HMGXB3: variants seen among roughly 807,000 people sequenced by gnomAD.
The protein encoded by HMGXB3 is HMG domain-containing protein 3.
A neutral mutation model predicts 121.5 loss-of-function variants in HMGXB3; 45 were observed. The observed-to-expected ratio is 0.37, with a 90% confidence interval of 0.29 to 0.47. The LOEUF (loss-of-function observed/expected upper bound fraction) is 0.47, where lower values mean the gene tolerates loss of function less well. Among genes scored for constraint, HMGXB3 ranks in the 20% least tolerant of loss-of-function variants. HMGXB3 has a pLI of 0.99. For synonymous variants in HMGXB3, 590 were observed against 624.1 expected (o/e 0.95, Z 0.81); for missense variants, 1,376 against 1,602.2 (o/e 0.86, Z 2.41).
intron 17 of HMGXB3, 52 bp from the exon 18 acceptor site, chr5:150,048,516 CG>C: frequency 8.5e-7 from 1 of 1,178,944 alleles, no homozygotes; most frequent in Non-Finnish European, 1.2e-6. Context: ...GAGCACCAGC[CG>C]TGGTCCCTTA....
chr5:150,005,598 C>CAAAAAAAAA (rs760181326), intron 2 of HMGXB3, among the ~76,000 whole-genome samples: 1 of 82,042 alleles, frequency 1.2e-5, no homozygotes. Flanking sequence ...AAACTCCTCT[C>CAAAAAAAAA]AAAAAAAAAA....
intron 16 of HMGXB3, among the ~76,000 whole-genome samples, chr5:150,046,465 T>C (rs1164131165): frequency 1.3e-5 from 2 of 152,252 alleles, no homozygotes; most frequent in East Asian, 1.9e-4. Flanking sequence ...TCAATTGATA[T>C]TGTAATCACT....
In HMGXB3 at chr5:150,030,824, C is replaced by T; in HGVS notation, c.1818C>T (p.Ser606=). Residue 606 remains serine, a synonymous_variant, in exon 10 of 20, where the codon AGC becomes AGT. Coordinates refer to ENST00000502717, the MANE Select transcript of HMGXB3 (RefSeq NM_014983.3). ...KPDMFPPYKY[S]CTVTLDLGLA... Reference sequence around the variant, plus strand: ...ATATGTTTCCTCCATATAAGTACAGCTGCACTGTCACATTGGTAAGTATGC... The same window carrying T: ...ATATGTTTCCTCCATATAAGTACAGTTGCACTGTCACATTGGTAAGTATGC... The T allele has an allele frequency of 1.9e-6, 3 of 1,551,592 alleles. No homozygotes were observed. The highest frequency in any genetic ancestry group is 1.7e-6 in the Non-Finnish European group (2 of 1,146,588).
At chr5:150,023,390 C>T (rs997139611) in intron 6 of HMGXB3, among the ~76,000 whole-genome samples, 3 of 152,096 alleles carry the variant, frequency 2.0e-5, no homozygotes, top group Admixed American at 1.3e-4. Context: ...TTGAAGCTTG[C>T]CTTATACCAC....
rs923337341 is a variant in HMGXB3, at chr5:150,006,593, C to T, written c.258C>T (p.Ala86=). 5.2e-6 allele frequency: 8 copies of T among 1,552,174 alleles called. No homozygotes were observed. Among genetic ancestry groups the T allele is most frequent in the Admixed American group, 2.0e-5 (1 of 50,994 alleles). ...ISESWRLLSV[A]ERSYYLEKAK... ...AGAGTTGGAGGCTTCTCAGCGTGGC[C>T]GAGAGGAGTTACTACTTGGAGAAAG... Residue 86 remains alanine (A), a synonymous_variant, in exon 3 of 20, where the codon GCC becomes GCT. Transcript: ENST00000502717.
At chr5:150,029,817 A>G (rs528553322) in intron 9 of HMGXB3, among the ~76,000 whole-genome samples, 3 of 152,300 alleles carry the variant, frequency 2.0e-5, no homozygotes, top group African/African-American at 7.2e-5. Context: ...TTTTACTTTG[A>G]GAACTGTTTT....
At chr5:150,004,725 A>G in intron 1 of HMGXB3, 126 bp from the exon 2 acceptor site, 1 of 582,296 alleles carries the variant, frequency 1.7e-6, no homozygotes. Context: ...TTCTTAGGAT[A>G]TATTGGGTTT....
chr5:150,049,164 C>T (rs555327820), intron 18 of HMGXB3, among the ~76,000 whole-genome samples: 1 of 152,256 alleles, frequency 6.6e-6, no homozygotes, highest in South Asian at 2.1e-4. Flanking sequence ...CCACCAAGGC[C>T]GTGAGTGGGG....
At chr5:150,028,497 A>ATGTG (rs1163846771) in intron 9 of HMGXB3, among the ~76,000 whole-genome samples, 63 of 66,452 alleles carry the variant, frequency 9.5e-4, no homozygotes, top group Middle Eastern at 5.4e-3. Flanking sequence ...ATGTATATAT[A>ATGTG]TGTATGTATG....
At chr5:150,015,122 CTG>C in intron 5 of HMGXB3, 1 of 344,018 alleles carries the variant, frequency 2.9e-6, no homozygotes, top group Non-Finnish European at 5.3e-6. Context: ...GCCATCCAGT[CTG>C]TGAACCAGCA....
intron 11 of HMGXB3, among the ~76,000 whole-genome samples, chr5:150,034,441 T>G (rs1321757395): frequency 6.6e-6 from 1 of 152,108 alleles, no homozygotes; most frequent in Non-Finnish European, 1.5e-5. Context: ...TCCAGTTCAT[T>G]TTAGCTATTT....
chr5:150,016,370 C>T (rs1212528767), intron 5 of HMGXB3, among the ~76,000 whole-genome samples: 30 of 146,792 alleles, frequency 2.0e-4, no homozygotes, highest in Admixed American at 2.0e-3. Flanking sequence ...AAGGAGGTGA[C>T]ATTTAACTAT....
At position 150,048,671 on chromosome 5, in the gene HMGXB3, G is replaced by T; in HGVS notation, c.3187G>T (p.Val1063Leu). The part of the protein sequence containing the change: ...RHFTGGKIYK[V>L]CPHQVVCGSK... ...CTTCACAGGTGGTAAAATCTACAAG[G>T]TGTGCCCCCATCAGGTAAGAAAATA... is the stretch of plus-strand genomic sequence containing the variant. Residue 1063 changes from valine to leucine, a missense_variant, in exon 18 of 20, where the codon GTG becomes TTG. Val to Leu is a conservative substitution (Grantham distance 32). This residue lies in a region of HMGXB3 where 1,116 missense variants were observed against 1,369.0 expected (regional missense o/e 0.82). Coordinates refer to ENST00000502717, the MANE Select transcript of HMGXB3 (RefSeq NM_014983.3). 1 of 1,549,214 alleles carries T rather than the reference G, an allele frequency of 6.5e-7. No homozygotes were observed. The highest frequency in any genetic ancestry group is 2.4e-5 in the East Asian group (1 of 40,916).
rs114066641 is a variant in HMGXB3 at position 150,010,984 on chromosome 5, G to A, written c.810+376G>A. 2.1e-3 allele frequency among the ~76,000 whole-genome samples: 322 copies of A among 152,304 alleles called. 1 individual carries two copies. The highest frequency in any genetic ancestry group is 7.5e-3 in the African/African-American group (313 of 41,568). ...AGACTGCTTCCTTTTCTTGAAATGG[G>A]ATTTCACTCTGTTGCCCAAGCTGGT... On this transcript the variant is annotated intron_variant, in intron 4 of 19. Transcript: ENST00000502717.
chr5:150,015,352 A>G (rs1007954938), intron 5 of HMGXB3, among the ~76,000 whole-genome samples: 1 of 152,182 alleles, frequency 6.6e-6, no homozygotes, highest in Non-Finnish European at 1.5e-5. Context: ...GCAGTGGCAC[A>G]ATCATGGCTC....
chr5:150,047,852 C>A, intron 17 of HMGXB3, 95 bp downstream of exon 17: 1 of 1,366,284 alleles, frequency 7.3e-7, no homozygotes, highest in Non-Finnish European at 1.0e-6. Context: ...GTGATGGCAT[C>A]TGCCTTGGAC....
At chr5:150,003,373 T>TA (rs890006954) in intron 1 of HMGXB3, among the ~76,000 whole-genome samples, 16 of 152,114 alleles carry the variant, frequency 1.1e-4, no homozygotes, top group African/African-American at 3.9e-4. Flanking sequence ...ATTTTTGAGT[T>TA]AAAAATCTAT....
intron 16 of HMGXB3, among the ~76,000 whole-genome samples, chr5:150,046,698 G>A (rs1044108390): frequency 3.3e-5 from 5 of 152,012 alleles, no homozygotes; most frequent in Admixed American, 6.5e-5. Context: ...TGTAGTCCCA[G>A]CTACTCAGGA....
In HMGXB3 at chr5:150,052,590, T is replaced by G. The variant is rs1021592487; in HGVS notation, c.*398T>G. 6.7e-5 allele frequency: 13 copies of G among 193,672 alleles called. No homozygotes were observed. The highest frequency in any genetic ancestry group is 2.6e-4 in the Admixed American group (5 of 18,918). 12.0% of individuals were successfully genotyped at this position (193,672 alleles called of 1,614,324 possible). Reference sequence around the variant, plus strand: ...AGGCTGCTGAGGTCTCTCCCACCCCTGAGGAGCCCTGGTTTCAGCCCCCTC... The same window carrying G: ...AGGCTGCTGAGGTCTCTCCCACCCCGGAGGAGCCCTGGTTTCAGCCCCCTC... On this transcript the variant is annotated 3_prime_UTR_variant, in exon 20 of 20. Transcript: ENST00000502717.
Sources: gnomAD v4.1 joint callset for allele counts (sites outside exome capture counted in the v4.1 genomes callset) on GRCh38, gnomAD v4.1.1 for gene constraint, gnomAD v4.1.1 regional missense constraint, MANE v1.5 for transcripts, NCBI Gene and HGNC (gene_info 2026-07-23, HGNC 2026-07-21) for gene names.